The following SEL1L2 variants were observed in gnomAD, a reference collection of about 807,000 sequenced individuals.
SEL1L2 encodes protein sel-1 homolog 2.
A neutral mutation model predicts 98.8 loss-of-function variants in SEL1L2; 89 were observed. That is an observed-to-expected ratio of 0.90 (90% CI 0.76 to 1.07). The LOEUF is 1.07. Ranked by LOEUF, SEL1L2 falls within the 50% of genes least tolerant of loss-of-function variation. SEL1L2 has a pLI of 0.00. For missense variants in SEL1L2, 788 were observed against 812.0 expected (o/e 0.97, Z 0.36); for synonymous variants, 262 against 278.5 (o/e 0.94, Z 0.59).
At chr20:13,869,085 CG>C (rs1464769021) in intron 14 of SEL1L2, among the ~76,000 whole-genome samples, 1 of 151,988 alleles carries the variant, frequency 6.6e-6, no homozygotes, top group Non-Finnish European at 1.5e-5. Context: ...CAATACAGCA[CG>C]GAGGATCACT....
intron 3 of SEL1L2, among the ~76,000 whole-genome samples, chr20:13,928,601 G>C (rs1005459729): frequency 2.0e-5 from 3 of 152,150 alleles, no homozygotes; most frequent in Non-Finnish European, 4.4e-5. Flanking sequence ...GCGGGCCCTA[G>C]GTGCTAAATT....
At chr20:13,967,897 A>G (rs575778212) in intron 1 of SEL1L2, among the ~76,000 whole-genome samples, 72 of 152,324 alleles carry the variant, frequency 4.7e-4, no homozygotes, top group African/African-American at 1.7e-3. Context: ...CTCTTAACAG[A>G]AATGATTTAC....
At chr20:13,965,840 C>T (rs1268372760) in intron 1 of SEL1L2, among the ~76,000 whole-genome samples, 2 of 151,754 alleles carry the variant, frequency 1.3e-5, no homozygotes, top group Non-Finnish European at 2.9e-5. Context: ...GTAGTCCCAG[C>T]TACTCGGGAG....
At chr20:13,932,675 C>T (rs1568994009) in intron 2 of SEL1L2, among the ~76,000 whole-genome samples, 1 of 152,136 alleles carries the variant, frequency 6.6e-6, no homozygotes, top group Non-Finnish European at 1.5e-5. Flanking sequence ...AGGTGATCTG[C>T]CCGCCTCGGC....
intron 2 of SEL1L2, among the ~76,000 whole-genome samples, chr20:13,948,731 AT>A (rs2050128195): frequency 6.6e-6 from 1 of 152,228 alleles, no homozygotes; most frequent in Admixed American, 6.5e-5. Context: ...AACATCAGGG[AT>A]TTGGTCTAGG....
chr20:13,919,676 T>C (rs1397819661), intron 3 of SEL1L2, among the ~76,000 whole-genome samples: 1 of 152,138 alleles, frequency 6.6e-6, no homozygotes, highest in African/African-American at 2.4e-5. Flanking sequence ...CCCAACACTT[T>C]GGGAGGCCGA....
intron 2 of SEL1L2, among the ~76,000 whole-genome samples, chr20:13,953,139 T>C (rs2050351565): frequency 6.6e-6 from 1 of 152,188 alleles, no homozygotes. Context: ...AGAAGCTTGA[T>C]ATGCTGGCAA....
At chr20:13,971,733 C>T (rs1294147592) in intron 1 of SEL1L2, among the ~76,000 whole-genome samples, 2 of 152,126 alleles carry the variant, frequency 1.3e-5, no homozygotes, top group African/African-American at 4.8e-5. Flanking sequence ...CCGTGCCTGG[C>T]TACAATTTAC....
At chr20:13,917,786 C>CTTTTTTTTTTTTTTTTTTTTTTTTTTT (rs5840588) in intron 4 of SEL1L2, among the ~76,000 whole-genome samples, 28 of 50,074 alleles carry the variant, frequency 5.6e-4, no homozygotes, top group African/African-American at 9.1e-4. Context: ...TTCTTTCTTT[C>CTTTTTTTTTTTTTTTTTTTTTTTTTTT]TTTTTTTTTT....
At chr20:13,988,021 G>T (rs977563810) in intron 1 of SEL1L2, among the ~76,000 whole-genome samples, 1 of 152,060 alleles carries the variant, frequency 6.6e-6, no homozygotes, top group African/African-American at 2.4e-5. Context: ...TGTGCTTTTG[G>T]TGGCATATCT....
chr20:13,935,727 G>T (rs1416845482), intron 2 of SEL1L2, among the ~76,000 whole-genome samples: 4 of 152,152 alleles, frequency 2.6e-5, no homozygotes, highest in African/African-American at 9.7e-5. Context: ...CCTATGGAGG[G>T]TTCTGAGCAG....
intron 1 of SEL1L2, among the ~76,000 whole-genome samples, chr20:13,964,576 C>T (rs1034632288): frequency 1.3e-5 from 2 of 151,764 alleles, no homozygotes; most frequent in Admixed American, 6.6e-5. Flanking sequence ...CCTCAGCCTC[C>T]GGAGTAGCTG....
chr20:13,907,742 C>CTTTCTTTTCTTTTCT (rs1555880159), intron 5 of SEL1L2, among the ~76,000 whole-genome samples: 1 of 83,538 alleles, frequency 1.2e-5, no homozygotes, highest in East Asian at 3.3e-4. Context: ...TTCTTTCTTT[C>CTTTCTTTTCTTTTCT]TTTCTTTTCT....
chr20:13,948,023 G>C (rs923228053), intron 2 of SEL1L2, among the ~76,000 whole-genome samples: 4 of 152,224 alleles, frequency 2.6e-5, no homozygotes, highest in Non-Finnish European at 4.4e-5. Flanking sequence ...GCCAGGCCAA[G>C]TGGCCAGAAT....
At chr20:13,870,618 GTCCT>G (rs758868012) in intron 12 of SEL1L2, among the ~76,000 whole-genome samples, 3 of 152,056 alleles carry the variant, frequency 2.0e-5, no homozygotes, top group Non-Finnish European at 4.4e-5. Flanking sequence ...AATGTGGTAA[GTCCT>G]AAAGTTGAAA....
At chr20:13,894,083 A>G (rs963485952) in intron 5 of SEL1L2, among the ~76,000 whole-genome samples, 1 of 152,174 alleles carries the variant, frequency 6.6e-6, no homozygotes, top group Non-Finnish European at 1.5e-5. Flanking sequence ...TATAAAATGC[A>G]TTACTAAAGA....
At chr20:13,925,486 C>T (rs1052385879) in intron 3 of SEL1L2, among the ~76,000 whole-genome samples, 33 of 152,334 alleles carry the variant, frequency 2.2e-4, no homozygotes, top group African/African-American at 7.2e-4. Flanking sequence ...TATTTGCCTA[C>T]GATGGCGGGT....
intron 5 of SEL1L2, among the ~76,000 whole-genome samples, chr20:13,894,083 A>T (rs963485952): frequency 6.6e-6 from 1 of 152,174 alleles, no homozygotes; most frequent in Admixed American, 6.5e-5. Flanking sequence ...TATAAAATGC[A>T]TTACTAAAGA....
At chr20:13,980,576 A>G (rs1479519286) in intron 1 of SEL1L2, among the ~76,000 whole-genome samples, 2 of 152,180 alleles carry the variant, frequency 1.3e-5, no homozygotes, top group Admixed American at 1.3e-4. Flanking sequence ...GTCAAACAAC[A>G]TAGATAGAGA....
Sources: allele counts gnomAD v4.1 joint callset (sites outside exome capture counted in the v4.1 genomes callset), GRCh38; gene constraint gnomAD v4.1.1; transcripts MANE v1.5; gene names NCBI Gene and HGNC (gene_info 2026-07-23, HGNC 2026-07-21).